Variants in JAKMIP1 observed in about 807,000 individuals in gnomAD.
JAKMIP1 encodes janus kinase and microtubule interacting protein 1.
Under a neutral mutation model 113.0 loss-of-function variants are expected in JAKMIP1, and 33 were observed. The ratio of observed to expected loss-of-function variants is 0.29; its 90% CI spans 0.22 to 0.39. The LOEUF (loss-of-function observed/expected upper bound fraction) is 0.39, where lower values mean the gene tolerates loss of function less well. Among genes scored for constraint, JAKMIP1 ranks in the 10% least tolerant of loss-of-function variants. JAKMIP1 has a pLI of 1.00. For missense variants in JAKMIP1, 813 were observed against 1,080.5 expected, an observed-to-expected ratio of 0.75 and a Z score of 3.47; for synonymous variants, 480 against 459.9, an observed-to-expected ratio of 1.04 and a Z score of -0.56.
Position 6,029,712 on chromosome 4 carries a change from C to A in JAKMIP1, c.2445+4G>T, listed in dbSNP as rs765456827. 2 of 1,592,202 alleles carry A rather than the reference C, an allele frequency of 1.3e-6. No individual in the cohort carries two copies. The highest frequency in any genetic ancestry group is 1.1e-5 in the South Asian group (1 of 87,612). On this transcript the variant is annotated splice_donor_region_variant and intron_variant, in intron 20 of 20. Coordinates refer to ENST00000409021, the MANE Select transcript of JAKMIP1 (RefSeq NM_001099433.2). Reference sequence around the variant, plus strand: ...TGGGGACAGTCTGAGCTGCAGTCACCTACCTTTTCCTCCAGTTCTTTCAGG... The same window carrying A: ...TGGGGACAGTCTGAGCTGCAGTCACATACCTTTTCCTCCAGTTCTTTCAGG...
Position 6,059,614 on chromosome 4 carries a change from G to A in JAKMIP1, c.1644+810C>T, listed in dbSNP as rs1244111590. Among the ~76,000 whole-genome samples, 1 of 152,092 alleles carries A rather than the reference G, an allele frequency of 6.6e-6. No homozygotes were observed. The highest frequency in any genetic ancestry group is 2.4e-5 in the African/African-American group (1 of 41,412). ...GTGACTGATGAATTTTGCTGAGGCA[G>A]CAAACAGCCAAGCAGAGGAAAAGTT... On this transcript the variant is annotated intron_variant, in intron 11 of 20. Transcript: ENST00000409021. This position sits in a 1 kb window ranked among gnomAD's most constrained non-coding sequence, Gnocchi z 4.8.
chr4:6,162,311 G>A lies in JAKMIP1; in HGVS notation c.-148+37942C>T, dbSNP rs1312021125. 6.6e-6 allele frequency among the ~76,000 whole-genome samples: 1 copy of A among 152,192 alleles called. No individual in the cohort carries two copies. The highest frequency in any genetic ancestry group is 2.4e-5 in the African/African-American group (1 of 41,450). ...CAGAGGAGAGACTCACCAGGACACT[G>A]CACTGCAGCCGAGCTTGCATCTGTG... is the stretch of plus-strand genomic sequence containing the variant. On this transcript the variant is annotated intron_variant, in intron 1 of 20. Coordinates refer to ENST00000409021, the MANE Select transcript of JAKMIP1 (RefSeq NM_001099433.2). This position sits in a 1 kb window ranked among gnomAD's most constrained non-coding sequence, Gnocchi z 5.6.
In JAKMIP1 at chr4:6,065,070, C is replaced by T; in HGVS notation, c.1303-62G>A. 6.2e-7 allele frequency: 1 copy of T among 1,605,070 alleles called. No homozygotes were observed. The highest frequency in any genetic ancestry group is 8.5e-7 in the Non-Finnish European group (1 of 1,174,476). Reference sequence around the variant, plus strand: ...GAGGATTGCCAGAGTCTACCAGTCCCTGGTCGTGGGCATGCCAGTGCAGGG... The same window carrying T: ...GAGGATTGCCAGAGTCTACCAGTCCTTGGTCGTGGGCATGCCAGTGCAGGG... On this transcript the variant is annotated intron_variant, in intron 8 of 20. Coordinates refer to ENST00000409021, the MANE Select transcript of JAKMIP1 (RefSeq NM_001099433.2). This position sits in a 1 kb window ranked among gnomAD's most constrained non-coding sequence, Gnocchi z 5.1.
rs552359745 is a variant in JAKMIP1, at chr4:6,188,984, A to G, written c.-148+11269T>C. 6.6e-6 allele frequency among the ~76,000 whole-genome samples: 1 copy of G among 152,348 alleles called. No individual in the cohort carries two copies. Among genetic ancestry groups the G allele is most frequent in the East Asian group, 1.9e-4 (1 of 5,180 alleles). ...AACCTCGTCAAGCCCTGAGCCTGGA[A>G]GGCTCCAAGACTTGCTGAGGAAATC... On this transcript the variant is annotated intron_variant, in intron 1 of 20. Transcript: ENST00000409021. This position sits in a 1 kb window ranked among gnomAD's most constrained non-coding sequence, Gnocchi z 5.8.
chr4:6,127,174 C>T (rs1372648215), intron 1 of JAKMIP1, among the ~76,000 whole-genome samples: 4 of 152,194 alleles, frequency 2.6e-5, no homozygotes, highest in Non-Finnish European at 4.4e-5. Context: ...GAGCCTGGCA[C>T]GTCGCCTGGC....
In JAKMIP1 at chr4:6,086,406, G is replaced by A. The variant is rs2108833707; in HGVS notation, c.625-777C>T. 6.6e-6 allele frequency among the ~76,000 whole-genome samples: 1 copy of A among 151,688 alleles called. No homozygotes were observed. Among genetic ancestry groups the A allele is most frequent in the East Asian group, 2.0e-4 (1 of 5,104 alleles). ...GAGCTCCACAATCACAGAACCAGCTGGCTGCCTGACACCTCTGCTTGGATC... is the reference window on the plus strand; with the variant it reads ...GAGCTCCACAATCACAGAACCAGCTAGCTGCCTGACACCTCTGCTTGGATC... On this transcript the variant is annotated intron_variant, in intron 3 of 20. Transcript: ENST00000409021. The surrounding 1 kb of genome is among the most constrained non-coding windows in gnomAD (Gnocchi z 4.1).
chr4:6,146,292 T>A (rs1720839663), intron 1 of JAKMIP1, among the ~76,000 whole-genome samples: 1 of 152,146 alleles, frequency 6.6e-6, no homozygotes, highest in Non-Finnish European at 1.5e-5. Context: ...TTTTGCTTAA[T>A]GAAAAAGTTA....
At position 6,085,481 on chromosome 4, in the gene JAKMIP1, C is replaced by A; in HGVS notation, c.773G>T (p.Ser258Ile). 1 of 1,614,148 alleles carries A rather than the reference C, an allele frequency of 6.2e-7. No individual in the cohort carries two copies. Among genetic ancestry groups the A allele is most frequent in the Non-Finnish European group, 8.5e-7 (1 of 1,180,038 alleles). ...VQVKEAERHH[S>I]SPKRELPPGI... ...GGGCGGGAGCTCTCTCTTTGGACTA[C>A]TGTGGTGCCGCTCGGCCTCCTTGAC... is the stretch of plus-strand genomic sequence containing the variant. Residue 258 changes from serine to isoleucine, a missense_variant, in exon 4 of 21, where the codon AGT becomes ATT. By Grantham distance (142) the Ser-to-Ile change is moderately radical. Coordinates refer to ENST00000409021, the MANE Select transcript of JAKMIP1 (RefSeq NM_001099433.2).
At chr4:6,104,260 C>G (rs183652483) in intron 3 of JAKMIP1, among the ~76,000 whole-genome samples, 11 of 152,312 alleles carry the variant, frequency 7.2e-5, no homozygotes, top group Admixed American at 7.2e-4. Flanking sequence ...CATTCTTTGT[C>G]TGTGTGTTCT....
intron 20 of JAKMIP1, 44 bp from the exon 21 acceptor site, chr4:6,026,322 A>C (rs1265110512): frequency 2.0e-6 from 2 of 1,009,084 alleles, no homozygotes; most frequent in Non-Finnish European, 3.0e-6. Context: ...GAGAAGAAAA[A>C]GAAAAGAAAA....
At chr4:6,118,837 C>T (rs1716251376) in intron 1 of JAKMIP1, among the ~76,000 whole-genome samples, 1 of 152,220 alleles carries the variant, frequency 6.6e-6, no homozygotes, top group Non-Finnish European at 1.5e-5. Flanking sequence ...TCACATCCTG[C>T]TCCCCAGAAC....
At chr4:6,034,987 C>A (rs1713213053) in intron 19 of JAKMIP1, among the ~76,000 whole-genome samples, 1 of 152,188 alleles carries the variant, frequency 6.6e-6, no homozygotes, top group African/African-American at 2.4e-5. Flanking sequence ...ATGCTGCTAG[C>A]AGATGGCCTT....
intron 12 of JAKMIP1, chr4:6,054,732 CT>C: frequency 2.2e-6 from 1 of 456,702 alleles, no homozygotes; most frequent in South Asian, 1.5e-5. Context: ...ACTCAGCCCA[CT>C]ACTCCAGCCC....
chr4:6,109,931 C>T (rs1033658816), intron 2 of JAKMIP1, among the ~76,000 whole-genome samples: 4 of 152,082 alleles, frequency 2.6e-5, no homozygotes, highest in Admixed American at 6.5e-5. Flanking sequence ...CAACCTGAAG[C>T]GGCCACATGG....
rs1284784299 is a variant in JAKMIP1, at chr4:6,192,514, A to G, written c.-148+7739T>C. 1.3e-5 allele frequency among the ~76,000 whole-genome samples: 2 copies of G among 152,102 alleles called. No homozygotes were observed. Among genetic ancestry groups the G allele is most frequent in the African/African-American group, 4.8e-5 (2 of 41,420 alleles). On this transcript the variant is annotated intron_variant, in intron 1 of 20. Transcript: ENST00000409021. The surrounding 1 kb of genome is among the most constrained non-coding windows in gnomAD (Gnocchi z 5.0). ...GTTTTGGTTTTGGTCTACATCCAAA[A>G]CCAACCCCAAGAGATAGGGACATTC...
rs1201924593 is a variant in JAKMIP1 at position 6,080,214 on chromosome 4, C to T, written c.1200G>A (p.Leu400=). Residue 400 remains leucine, a synonymous_variant, in exon 7 of 21, where the codon CTG becomes CTA. Transcript: ENST00000409021. This position sits in a 1 kb window ranked among gnomAD's most constrained non-coding sequence, Gnocchi z 6.0. ...RDEQEIEFLR[L]QVLEQQHVID... ...TGACGTGCTGCTGCTCCAGCACCTGCAGCCTCAGGAACTCGATCTCCTGCT... is the reference window on the plus strand; with the variant it reads ...TGACGTGCTGCTGCTCCAGCACCTGTAGCCTCAGGAACTCGATCTCCTGCT... 1 of 1,613,956 alleles carries T rather than the reference C, an allele frequency of 6.2e-7. No homozygotes were observed. Among genetic ancestry groups the T allele is most frequent in the South Asian group, 1.1e-5 (1 of 91,002 alleles).
rs1458011571 is a variant in JAKMIP1, at chr4:6,067,777, CACTCA to C, written c.1303-2774_1303-2770del. On this transcript the variant is annotated intron_variant, in intron 8 of 20. Coordinates refer to ENST00000409021, the MANE Select transcript of JAKMIP1 (RefSeq NM_001099433.2). This position sits in a 1 kb window ranked among gnomAD's most constrained non-coding sequence, Gnocchi z 4.6. ...AGGTCACCCCCCTGAGCTCCACGTT[CACTCA>C]AGCTCTTCTGCACACGCAGGTCACC... 9.6e-5 allele frequency among the ~76,000 whole-genome samples: 14 copies of C among 146,532 alleles called. No individual in the cohort carries two copies. The highest frequency in any genetic ancestry group is 3.4e-4 in the African/African-American group (13 of 38,680).
At chr4:6,096,019 C>G (rs544040766) in intron 3 of JAKMIP1, among the ~76,000 whole-genome samples, 1 of 152,282 alleles carries the variant, frequency 6.6e-6, no homozygotes, top group South Asian at 2.1e-4. Context: ...GCAGGCCTCC[C>G]TGAACAAGGG....
intron 1 of JAKMIP1, among the ~76,000 whole-genome samples, chr4:6,166,313 G>A (rs551661956): frequency 8.5e-5 from 13 of 152,208 alleles, no homozygotes; most frequent in East Asian, 1.9e-4. Flanking sequence ...ACCCGGCCAG[G>A]AGCCTGCCTG....
Sources: gnomAD v4.1 joint callset for allele counts (sites outside exome capture counted in the v4.1 genomes callset) on GRCh38, gnomAD v4.1.1 for gene constraint, Gnocchi (gnomAD v3.1) non-coding constraint, MANE v1.5 for transcripts, NCBI Gene and HGNC (gene_info 2026-07-23, HGNC 2026-07-21) for gene names.